Variants in RRBP1 observed in about 807,000 individuals in gnomAD.
RRBP1 encodes the protein ribosome binding protein 1.
RRBP1 carries 94 observed loss-of-function variants against 165.2 expected under a neutral mutation model. The observed-to-expected ratio is 0.57, with a 90% CI of 0.48 to 0.68. The LOEUF (loss-of-function observed/expected upper bound fraction) is 0.68, where lower values mean the gene tolerates loss of function less well. Among genes scored for constraint, RRBP1 ranks in the 30% least tolerant of loss-of-function variants. RRBP1 has a pLI of 0.00. For synonymous variants in RRBP1, 680 were observed against 714.5 expected (o/e 0.95, Z 0.77); for missense variants, 1,676 against 1,763.0 (o/e 0.95, Z 0.88).
intron 22 of RRBP1, 31 bp downstream of exon 22, chr20:17,615,885 AGGGGCTGATG>A (rs779595845): frequency 6.4e-7 from 1 of 1,554,690 alleles, no homozygotes; most frequent in East Asian, 2.2e-5. Flanking sequence ...CTCAGGGCCC[AGGGGCTGATG>A]GGGGCTGAGA....
intron 7 of RRBP1, among the ~76,000 whole-genome samples, chr20:17,634,377 G>A (rs903957818): frequency 1.3e-5 from 2 of 152,182 alleles, no homozygotes; most frequent in African/African-American, 4.8e-5. Context: ...GGGGTGGTGG[G>A]TCCCACCTCT....
At chr20:17,672,930 A>G (rs893269608) in intron 2 of RRBP1, among the ~76,000 whole-genome samples, 3 of 152,206 alleles carry the variant, frequency 2.0e-5, no homozygotes, top group African/African-American at 7.2e-5. Flanking sequence ...AGCAAAATCA[A>G]TCACTGGTAT....
At chr20:17,632,141 C>G (rs375020705) in intron 8 of RRBP1, among the ~76,000 whole-genome samples, 5 of 152,330 alleles carry the variant, frequency 3.3e-5, no homozygotes, top group African/African-American at 9.6e-5. Flanking sequence ...CTGAACCCGA[C>G]AGCTGGCGCC....
intron 9 of RRBP1, among the ~76,000 whole-genome samples, chr20:17,629,198 G>A (rs1009972905): frequency 1.1e-4 from 16 of 152,242 alleles, no homozygotes; most frequent in Admixed American, 3.3e-4. Flanking sequence ...AGCCCAGCCC[G>A]GCACCCACGG....
chr20:17,622,297 G>A (rs996611507), intron 13 of RRBP1, among the ~76,000 whole-genome samples: 38 of 152,200 alleles, frequency 2.5e-4, no homozygotes, highest in Admixed American at 9.2e-4. Context: ...CATGTGTGGG[G>A]GAATTTGGGG....
chr20:17,644,251 G>C (rs962703714), intron 3 of RRBP1, among the ~76,000 whole-genome samples: 1 of 152,222 alleles, frequency 6.6e-6, no homozygotes, highest in African/African-American at 2.4e-5. Flanking sequence ...GGTGAGGCTC[G>C]GGAGTTTAAA....
In RRBP1 at chr20:17,614,178, A is replaced by C. The variant is rs763072066; in HGVS notation, c.*4T>G. On this transcript the variant is annotated 3_prime_UTR_variant, in exon 25 of 25. Coordinates refer to ENST00000377813, the MANE Select transcript of RRBP1 (RefSeq NM_001365613.2). ...ACAGTAACTTCTTTTTCCAAAGAGG[A>C]AACTCAGACAGAGGTGCCCTCCTTT... 12 of 1,613,816 alleles carry C rather than the reference A, an allele frequency of 7.4e-6. No individual in the cohort carries two copies. The Admixed American group carries it at 1.8e-4, about 25-fold the overall frequency.
At chr20:17,635,835 G>T (rs2036237253) in intron 6 of RRBP1, among the ~76,000 whole-genome samples, 171 bp from the exon 7 acceptor site, 1 of 152,176 alleles carries the variant, frequency 6.6e-6, no homozygotes, top group Non-Finnish European at 1.5e-5. Flanking sequence ...TGAAAATTGC[G>T]AAGCTTAAGC....
rs201542267 is a variant in RRBP1, at chr20:17,618,644, G to C, written c.3711C>G (p.Leu1237=). The C allele has an allele frequency of 1.2e-6, 2 of 1,614,018 alleles. No homozygotes were observed. The highest frequency in any genetic ancestry group is 1.7e-6 in the Non-Finnish European group (2 of 1,180,022). The stretch of plus-strand genomic sequence containing the variant: ...TCTGGGCTTCGCTCTTGGCGGCATC[G>C]AGCTGAGATTGAGATTCTAGGAGAA... The part of the protein sequence containing the change: ...RQLLLESQSQ[L]DAAKSEAQKQ... The change falls in exon 20 of 25, where the codon CTC becomes CTG. Residue 1237 remains leucine, a synonymous_variant. Transcript: ENST00000377813.
At chr20:17,641,659 C>T in intron 5 of RRBP1, 138 bp downstream of exon 5, 1 of 1,057,044 alleles carries the variant, frequency 9.5e-7, no homozygotes, top group African/African-American at 1.5e-5. Flanking sequence ...AAGCAGCAGT[C>T]CCTACTCAGC....
chr20:17,645,298 C>A (rs2036443977), intron 3 of RRBP1, among the ~76,000 whole-genome samples: 1 of 152,250 alleles, frequency 6.6e-6, no homozygotes, highest in Non-Finnish European at 1.5e-5. Flanking sequence ...CGAGAGTGTT[C>A]TCGGAGCGGC....
chr20:17,643,231 A>C lies in RRBP1; in HGVS notation c.1913-104T>G, dbSNP rs2036400710. Reference sequence around the variant, plus strand: ...GAAGGTTCTGGTCACAGCCACGAAGAGCTCTCTGACTGCTTGGGGTCAGCA... The same window carrying C: ...GAAGGTTCTGGTCACAGCCACGAAGCGCTCTCTGACTGCTTGGGGTCAGCA... On this transcript the variant is annotated intron_variant, in intron 3 of 24. Transcript: ENST00000377813. The surrounding 1 kb of genome is among the most constrained non-coding windows in gnomAD (Gnocchi z 4.3). 8.0e-7 allele frequency: 1 copy of C among 1,254,658 alleles called. No individual in the cohort carries two copies. Among genetic ancestry groups the C allele is most frequent in the Admixed American group, 2.2e-5 (1 of 45,906 alleles). 77.7% of individuals were successfully genotyped at this position (1,254,658 alleles called of 1,614,324 possible). A position where few individuals can be genotyped will look rare whatever the true frequency, so the allele number is the denominator to read the frequency against.
intron 3 of RRBP1, among the ~76,000 whole-genome samples, chr20:17,648,875 A>G (rs2036509661): frequency 6.6e-6 from 1 of 152,226 alleles, no homozygotes; most frequent in African/African-American, 2.4e-5. Context: ...AGGAGAATAC[A>G]GTTTAAACAG....
intron 7 of RRBP1, among the ~76,000 whole-genome samples, chr20:17,634,902 C>T (rs1282954261): frequency 1.3e-5 from 2 of 152,336 alleles, no homozygotes; most frequent in East Asian, 3.9e-4. Context: ...AGCTCCCACA[C>T]TGGACTTCCC....
At position 17,615,961 on chromosome 20, in the gene RRBP1, T is replaced by C. The variant is rs1216646434; in HGVS notation, c.3916A>G (p.Thr1306Ala). The C allele has an allele frequency of 6.2e-7, 1 of 1,610,002 alleles. No individual in the cohort carries two copies. Among genetic ancestry groups the C allele is most frequent in the Non-Finnish European group, 8.5e-7 (1 of 1,179,950 alleles). ...TCGGCCGTGAGCTTCTGCCGCTGTG[T>C]CTGCTCATCCTCCAGGATGGCTTCT... ...WTEAILEDEQ[T>A]QRQKLTAEFE... is the part of the protein sequence containing the mutation. Residue 1306 changes from threonine to alanine, a missense_variant, in exon 22 of 25, where the codon ACA becomes GCA. Physicochemically the swap from Thr to Ala is moderately conservative, Grantham distance 58. Transcript: ENST00000377813.
In RRBP1 at chr20:17,626,680, G is replaced by T. The variant is rs1038102501; in HGVS notation, c.2963+668C>A. 3.9e-5 allele frequency among the ~76,000 whole-genome samples: 6 copies of T among 152,330 alleles called. No homozygotes were observed. In the South Asian group the frequency reaches 6.2e-4, roughly 16 times the overall value. ...CAGGACCTGCCTCCCCAGACTGTGGGCATGTGCTACAGGAGGCGAGCCCCA... is the reference window on the plus strand; with the variant it reads ...CAGGACCTGCCTCCCCAGACTGTGGTCATGTGCTACAGGAGGCGAGCCCCA... On this transcript the variant is annotated intron_variant, in intron 11 of 24. Transcript: ENST00000377813.
chr20:17,663,264 A>G (rs534980326), intron 2 of RRBP1, among the ~76,000 whole-genome samples: 18 of 152,328 alleles, frequency 1.2e-4, no homozygotes, highest in African/African-American at 4.3e-4. Context: ...GTGGTTTCCA[A>G]CTTCTAAACT....
intron 1 of RRBP1, among the ~76,000 whole-genome samples, chr20:17,680,281 A>T (rs1188533092): frequency 1.3e-5 from 2 of 152,196 alleles, no homozygotes; most frequent in Non-Finnish European, 2.9e-5. Flanking sequence ...AGGGCGGGGT[A>T]ACATTCGCAG....
At chr20:17,622,418 G>C (rs1445465711) in intron 13 of RRBP1, among the ~76,000 whole-genome samples, 1 of 152,122 alleles carries the variant, frequency 6.6e-6, no homozygotes, top group Non-Finnish European at 1.5e-5. Flanking sequence ...GTGAAGGCAG[G>C]GAAGCAGTGC....
Sources: gnomAD v4.1 joint callset for allele counts (sites outside exome capture counted in the v4.1 genomes callset) on GRCh38, gnomAD v4.1.1 for gene constraint, Gnocchi (gnomAD v3.1) non-coding constraint, MANE v1.5 for transcripts, NCBI Gene and HGNC (gene_info 2026-07-23, HGNC 2026-07-21) for gene names.